AGFG1: variants seen among roughly 807,000 people sequenced by gnomAD.
The protein encoded by AGFG1 is arf-GAP domain and FG repeat-containing protein 1.
AGFG1 carries 10 observed loss-of-function variants against 60.6 expected under a neutral mutation model. The observed-to-expected ratio is 0.16, with a 90% CI of 0.10 to 0.28. AGFG1 has a LOEUF of 0.28. Ranked by LOEUF, AGFG1 falls within the 10% of genes least tolerant of loss-of-function variation. The pLI, the probability that AGFG1 is intolerant of heterozygous loss-of-function variation, is 1.00. For missense variants in AGFG1, 537 were observed against 676.5 expected (o/e 0.79, Z 2.29); for synonymous variants, 247 against 242.9 (o/e 1.02, Z -0.16).
At chr2:227,536,576 T>A (rs761068911) in intron 8 of AGFG1, 49 bp from the exon 9 acceptor site, 2 of 1,525,594 alleles carry the variant, frequency 1.3e-6, no homozygotes, top group African/African-American at 1.4e-5. Context: ...ATCGTTACTT[T>A]CTTTTTTTTT....
intron 10 of AGFG1, chr2:227,550,016 C>G: frequency 4.6e-6 from 2 of 436,048 alleles, no homozygotes; most frequent in Non-Finnish European, 9.4e-6. Context: ...CAATAGTTAT[C>G]TATAAATTAA....
At chr2:227,487,013 T>G (rs778697499) in intron 1 of AGFG1, among the ~76,000 whole-genome samples, 3 of 152,210 alleles carry the variant, frequency 2.0e-5, no homozygotes. Context: ...AAGCCTTGAT[T>G]TAGAGAAATC....
intron 1 of AGFG1, among the ~76,000 whole-genome samples, chr2:227,483,690 T>C (rs919822460): frequency 2.6e-5 from 4 of 152,234 alleles, no homozygotes; most frequent in African/African-American, 9.6e-5. Context: ...AGTATTCCAT[T>C]GCTTGTTTGT....
At chr2:227,501,868 A>AT (rs973970749) in intron 2 of AGFG1, among the ~76,000 whole-genome samples, 50 of 145,942 alleles carry the variant, frequency 3.4e-4, no homozygotes, top group Non-Finnish European at 6.5e-4. Context: ...TTCCTTTTTT[A>AT]TTTTTTTTGA....
At chr2:227,531,035 A>C (rs920059541) in intron 5 of AGFG1, 56 bp from the exon 6 acceptor site, 16 of 1,472,980 alleles carry the variant, frequency 1.1e-5, no homozygotes, top group African/African-American at 2.8e-5. Context: ...TGTGTCATGT[A>C]TTTTCATTTA....
chr2:227,492,176 T>G (rs529878060), intron 2 of AGFG1, among the ~76,000 whole-genome samples: 2 of 152,178 alleles, frequency 1.3e-5, no homozygotes, highest in African/African-American at 4.8e-5. Context: ...AAGCTTTTTT[T>G]CTTCTTGCCT....
intron 10 of AGFG1, among the ~76,000 whole-genome samples, chr2:227,546,164 T>TTG (rs1157638621): frequency 6.6e-6 from 1 of 152,198 alleles, no homozygotes; most frequent in Non-Finnish European, 1.5e-5. Context: ...CCTGGCCACT[T>TTG]TGTTTACCAA....
At chr2:227,540,911 C>T (rs1031523169) in intron 10 of AGFG1, among the ~76,000 whole-genome samples, 3 of 152,186 alleles carry the variant, frequency 2.0e-5, no homozygotes, top group Non-Finnish European at 4.4e-5. Flanking sequence ...GATAGTATCT[C>T]ATTGTAGTTT....
intron 1 of AGFG1, among the ~76,000 whole-genome samples, chr2:227,484,054 C>T (rs1396868676): frequency 6.6e-6 from 1 of 152,124 alleles, no homozygotes; most frequent in African/African-American, 2.4e-5. Flanking sequence ...ATCCCTCCCC[C>T]CTACCCCCAC....
chr2:227,555,468 A>ATT lies in AGFG1; in HGVS notation c.*980_*981dup, dbSNP rs145020211. 1.3e-5 allele frequency: 2 copies of ATT among 152,374 alleles called. No individual in the cohort carries two copies. The highest frequency in any genetic ancestry group is 2.1e-4 in the South Asian group (1 of 4,826). The allele number at this position is 152,374 out of a possible 1,614,324, so 9.4% of individuals were successfully genotyped here. On this transcript the variant is annotated 3_prime_UTR_variant, in exon 13 of 13. Transcript: ENST00000310078. ...TGCAAAAGGCCTATTTTAACTATTG[A>ATT]TTTTTTTTAAAAAAAATTGTCTTTG...
intron 1 of AGFG1, among the ~76,000 whole-genome samples, chr2:227,477,597 C>A (rs867091293): frequency 3.3e-5 from 5 of 152,082 alleles, no homozygotes; most frequent in South Asian, 2.1e-4. Context: ...AGAAAAAAGA[C>A]TTTTTCTTTT....
rs1421918322 is a variant in AGFG1 at position 227,560,080 on chromosome 2, C to G, written c.*5585C>G. 6.6e-6 allele frequency: 1 copy of G among 152,050 alleles called. No individual in the cohort carries two copies. Among genetic ancestry groups the G allele is most frequent in the Non-Finnish European group, 1.5e-5 (1 of 67,958 alleles). The allele number at this position is 152,050 out of a possible 1,614,324, so 9.4% of individuals were successfully genotyped here. A position where few individuals can be genotyped will look rare whatever the true frequency, so the allele number is the denominator to read the frequency against. ...TATCGTTTATTTTATATATGGCTCT[C>G]TCTCTGTATGCCTCTTCCTGTTCTT... On this transcript the variant is annotated 3_prime_UTR_variant, in exon 13 of 13. Coordinates refer to ENST00000310078, the MANE Select transcript of AGFG1 (RefSeq NM_004504.5).
chr2:227,473,792 A>G (rs10194959), intron 1 of AGFG1, among the ~76,000 whole-genome samples: 7,868 of 152,230 alleles, frequency 0.052, 263 homozygotes, highest in African/African-American at 0.1. Flanking sequence ...TCTAGTATGT[A>G]CTATTTGCTT....
At chr2:227,478,999 A>G (rs188582011) in intron 1 of AGFG1, among the ~76,000 whole-genome samples, 15 of 152,336 alleles carry the variant, frequency 9.8e-5, no homozygotes, top group Non-Finnish European at 1.6e-4. Context: ...TGTACCAACT[A>G]TATTACCAAA....
chr2:227,538,935 AC>A (rs1209185120), intron 10 of AGFG1, among the ~76,000 whole-genome samples: 1 of 152,222 alleles, frequency 6.6e-6, no homozygotes, highest in East Asian at 1.9e-4. Context: ...TCAAGGTAAT[AC>A]ATTTTTTCCA....
intron 10 of AGFG1, among the ~76,000 whole-genome samples, chr2:227,550,301 G>A (rs1030712127): frequency 8.5e-5 from 13 of 152,192 alleles, no homozygotes; most frequent in Non-Finnish European, 1.8e-4. Context: ...AGTGATTTAT[G>A]TGTAAATGCT....
chr2:227,539,213 C>T (rs991880215), intron 10 of AGFG1, among the ~76,000 whole-genome samples: 18 of 152,058 alleles, frequency 1.2e-4, no homozygotes, highest in African/African-American at 3.6e-4. Context: ...GAGGCCAAGG[C>T]GGGTGGATCA....
chr2:227,553,567 A>G, intron 11 of AGFG1, 137 bp from the exon 12 acceptor site: 1 of 600,238 alleles, frequency 1.7e-6, no homozygotes, highest in South Asian at 2.3e-5. Flanking sequence ...AAAGAGCTTG[A>G]GGCCTAACAA....
chr2:227,546,328 A>G (rs1176646661), intron 10 of AGFG1, among the ~76,000 whole-genome samples: 3 of 152,214 alleles, frequency 2.0e-5, no homozygotes, highest in Non-Finnish European at 4.4e-5. Context: ...GCCGTTTGCT[A>G]AGACCTTTGG....
Sources: allele counts gnomAD v4.1 joint callset (sites outside exome capture counted in the v4.1 genomes callset), GRCh38; gene constraint gnomAD v4.1.1; transcripts MANE v1.5; gene names NCBI Gene and HGNC (gene_info 2026-07-23, HGNC 2026-07-21).